The following MYO16 variants were observed in gnomAD, a reference collection of about 807,000 sequenced individuals.
The protein encoded by MYO16 is unconventional myosin-XVI.
MYO16 carries 94 observed loss-of-function variants against 205.3 expected under a neutral mutation model. That is an observed-to-expected ratio of 0.46 (90% CI 0.39 to 0.54). MYO16 has a LOEUF of 0.54. Among genes scored for constraint, MYO16 ranks in the 20% least tolerant of loss-of-function variants. The probability of loss-of-function intolerance (pLI) is 0.00; values close to 1 mark genes in which losing one functional copy is unlikely to be tolerated. For missense variants in MYO16, 2,315 were observed against 2,387.5 expected, an observed-to-expected ratio of 0.97 and a Z score of 0.63; for synonymous variants, 988 against 954.0, an observed-to-expected ratio of 1.04 and a Z score of -0.66.
At chr13:108,976,980 A>G (rs911679309) in intron 20 of MYO16, among the ~76,000 whole-genome samples, 1 of 152,192 alleles carries the variant, frequency 6.6e-6, no homozygotes, top group Non-Finnish European at 1.5e-5. Context: ...TTTCCTGTAG[A>G]GATACATTTT....
At chr13:108,961,158 G>A (rs1043584578) in intron 17 of MYO16, among the ~76,000 whole-genome samples, 2 of 152,298 alleles carry the variant, frequency 1.3e-5, no homozygotes, top group African/African-American at 2.4e-5. Flanking sequence ...CGTCCAACGT[G>A]AGCCTGGAGA....
At chr13:108,509,679 G>A in the MYO16 span, among the ~76,000 whole-genome samples, 1 of 152,110 alleles carries the variant, frequency 6.6e-6, no homozygotes, top group Admixed American at 6.5e-5. Flanking sequence ...AATAGCATTA[G>A]AAGATATACC....
chr13:108,787,947 G>A (rs756489633), intron 5 of MYO16, among the ~76,000 whole-genome samples: 5 of 151,878 alleles, frequency 3.3e-5, no homozygotes, highest in African/African-American at 4.8e-5. Flanking sequence ...TGTCTAATTC[G>A]ATTTATTCTC....
chr13:109,119,776 G>A (rs1312172846), intron 28 of MYO16, among the ~76,000 whole-genome samples: 1 of 152,086 alleles, frequency 6.6e-6, no homozygotes, highest in Non-Finnish European at 1.5e-5. Context: ...ACTACTGTTT[G>A]TGCAAACATC....
chr13:108,537,447 C>T, the MYO16 span, among the ~76,000 whole-genome samples: 423 of 152,116 alleles, frequency 2.8e-3, 3 homozygotes, highest in African/African-American at 9.2e-3. Flanking sequence ...TTGTGGATAA[C>T]GCTGTGATAA....
chr13:108,556,862 G>C, the MYO16 span, among the ~76,000 whole-genome samples: 1 of 152,074 alleles, frequency 6.6e-6, no homozygotes, highest in South Asian at 2.1e-4. Flanking sequence ...TGGATATTCA[G>C]TTGTCCCAAC....
chr13:108,709,276 A>T (rs1301635645), intron 2 of MYO16, among the ~76,000 whole-genome samples: 2 of 152,224 alleles, frequency 1.3e-5, no homozygotes, highest in South Asian at 4.1e-4. Flanking sequence ...TTTTGGATAA[A>T]GTATTTTAAC....
intron 1 of MYO16, among the ~76,000 whole-genome samples, chr13:108,660,213 T>C (rs1043325962): frequency 6.6e-6 from 1 of 152,276 alleles, no homozygotes; most frequent in Non-Finnish European, 1.5e-5. Flanking sequence ...CAGGGGACAT[T>C]TGCCTTGTTA....
intron 23 of MYO16, among the ~76,000 whole-genome samples, chr13:109,045,271 C>T (rs1414164323): frequency 6.6e-6 from 1 of 152,164 alleles, no homozygotes; most frequent in East Asian, 1.9e-4. Context: ...TCTCTGTGCA[C>T]ACACGGATGT....
At chr13:109,038,262 G>T (rs753680939) in intron 23 of MYO16, among the ~76,000 whole-genome samples, 1 of 152,190 alleles carries the variant, frequency 6.6e-6, no homozygotes, top group Admixed American at 6.5e-5. Flanking sequence ...TGTCTTCGAG[G>T]TGTTTTGGGA....
At chr13:108,520,287 A>G in the MYO16 span, among the ~76,000 whole-genome samples, 1 of 152,164 alleles carries the variant, frequency 6.6e-6, no homozygotes, top group South Asian at 2.1e-4. Flanking sequence ...CAAAACGATA[A>G]TATGCACATT....
At chr13:108,675,657 A>C (rs759648005) in intron 2 of MYO16, among the ~76,000 whole-genome samples, 2 of 152,238 alleles carry the variant, frequency 1.3e-5, no homozygotes. Flanking sequence ...GATGACACGA[A>C]TCTGAAACCG....
intron 1 of MYO16, among the ~76,000 whole-genome samples, chr13:108,647,278 AC>A (rs537913522): frequency 1.7e-3 from 253 of 152,072 alleles, no homozygotes; most frequent in African/African-American, 5.8e-3. Flanking sequence ...CCTAACTTTC[AC>A]CCAGAATTAG....
At chr13:109,080,936 T>C (rs1888262677) in intron 27 of MYO16, among the ~76,000 whole-genome samples, 1 of 152,194 alleles carries the variant, frequency 6.6e-6, no homozygotes, top group African/African-American at 2.4e-5. Flanking sequence ...TATGTGCTCT[T>C]ACCATTCAAT....
At chr13:108,741,977 TATA>T (rs1182477215) in intron 4 of MYO16, among the ~76,000 whole-genome samples, 1 of 152,176 alleles carries the variant, frequency 6.6e-6, no homozygotes, top group East Asian at 1.9e-4. Context: ...GCAATAAACT[TATA>T]ATCCTTATTG....
At position 109,023,984 on chromosome 13, in the gene MYO16, A is replaced by G. The variant is rs556097164; in HGVS notation, c.2796+4073A>G. On this transcript the variant is annotated intron_variant, in intron 23 of 34. Coordinates refer to ENST00000457511, the MANE Select transcript of MYO16 (RefSeq NM_001198950.3). ...ATACTATATATTTCTATATGTATAT[A>G]TTTCTATATGTATATATAGAAATAT... Among the ~76,000 whole-genome samples the G allele has an allele frequency of 8.4e-4, 100 of 119,114 alleles. 1 individual carries two copies. The East Asian group carries it at 0.026, about 31-fold the overall frequency. 78.1% of individuals were successfully genotyped at this position (119,114 alleles called of 152,430 possible). A position where few individuals can be genotyped will look rare whatever the true frequency, so the allele number is the denominator to read the frequency against.
At chr13:109,139,690 AATAG>A (rs71688148) in intron 31 of MYO16, among the ~76,000 whole-genome samples, 33,447 of 152,016 alleles carry the variant, frequency 0.22, 4,159 homozygotes, top group East Asian at 0.47. Flanking sequence ...AAAGGGTCGT[AATAG>A]ATAGAGCAAG....
At chr13:108,692,819 T>C (rs1044765978) in intron 2 of MYO16, among the ~76,000 whole-genome samples, 1 of 152,198 alleles carries the variant, frequency 6.6e-6, no homozygotes, top group Admixed American at 6.5e-5. Context: ...TCTGAGCATG[T>C]GACTTATCTG....
intron 13 of MYO16, among the ~76,000 whole-genome samples, chr13:108,887,248 CA>C (rs1275061379): frequency 1.3e-5 from 2 of 152,128 alleles, no homozygotes; most frequent in African/African-American, 4.8e-5. Context: ...AAAGTCTGCA[CA>C]AGTGAGTGGA....
Sources: gnomAD v4.1 joint callset for allele counts (sites outside exome capture counted in the v4.1 genomes callset) on GRCh38, gnomAD v4.1.1 for gene constraint, MANE v1.5 for transcripts, NCBI Gene and HGNC (gene_info 2026-07-23, HGNC 2026-07-21) for gene names.